The following ATP7B variants were observed in gnomAD, a reference collection of about 807,000 sequenced individuals.
ATP7B encodes copper-transporting ATPase 2.
A neutral mutation model predicts 118.9 loss-of-function variants in ATP7B; 113 were observed. That is an observed-to-expected ratio of 0.95 (90% CI 0.82 to 1.11). The LOEUF (loss-of-function observed/expected upper bound fraction) is 1.11. Among genes scored for constraint, ATP7B ranks in the 50% most tolerant of loss-of-function variants. ATP7B has a pLI of 0.00. For missense variants in ATP7B, 1,867 were observed against 1,871.4 expected (o/e 1.00, Z 0.04); for synonymous variants, 777 against 727.4 (o/e 1.07, Z -1.10).
At chr13:51,998,367 GA>G (rs1295770647) in intron 1 of ATP7B, among the ~76,000 whole-genome samples, 1 of 152,130 alleles carries the variant, frequency 6.6e-6, no homozygotes, top group African/African-American at 2.4e-5. Flanking sequence ...ACATGGTGAT[GA>G]ACAATATCAG....
intron 1 of ATP7B, among the ~76,000 whole-genome samples, chr13:51,990,750 T>A (rs1213143845): frequency 6.6e-6 from 1 of 152,222 alleles, no homozygotes; most frequent in African/African-American, 2.4e-5. Flanking sequence ...TTAGAAGGGA[T>A]ATATCTGTGC....
At chr13:51,987,253 C>G (rs1952700267) in intron 1 of ATP7B, among the ~76,000 whole-genome samples, 1 of 152,194 alleles carries the variant, frequency 6.6e-6, no homozygotes, top group South Asian at 2.1e-4. Flanking sequence ...GCAAAAATCA[C>G]AAGCATTTCT....
intron 4 of ATP7B, among the ~76,000 whole-genome samples, chr13:51,966,442 T>C (rs1183783943): frequency 1.3e-5 from 2 of 152,222 alleles, no homozygotes; most frequent in Non-Finnish European, 2.9e-5. Flanking sequence ...CTACACCGCT[T>C]GTGCCGTACC....
At chr13:52,003,691 G>A (rs1485146726) in intron 1 of ATP7B, among the ~76,000 whole-genome samples, 2 of 152,010 alleles carry the variant, frequency 1.3e-5, no homozygotes, top group Non-Finnish European at 2.9e-5. Context: ...ACTGTCACAA[G>A]TAGGCAGTGA....
intron 1 of ATP7B, among the ~76,000 whole-genome samples, chr13:52,004,948 C>A (rs1198447035): frequency 6.6e-6 from 1 of 152,224 alleles, no homozygotes; most frequent in Non-Finnish European, 1.5e-5. Flanking sequence ...AGGTTTATAG[C>A]CTGCACCTTC....
intron 1 of ATP7B, among the ~76,000 whole-genome samples, chr13:51,990,091 A>G (rs181337916): frequency 6.6e-6 from 1 of 151,942 alleles, no homozygotes; most frequent in East Asian, 1.9e-4. Context: ...ATCTTTTTTA[A>G]AATTAAAATA....
At chr13:51,954,532 C>T (rs567272015) in intron 9 of ATP7B, among the ~76,000 whole-genome samples, 2 of 152,336 alleles carry the variant, frequency 1.3e-5, no homozygotes, top group East Asian at 3.9e-4. Flanking sequence ...AGGGGCAAGG[C>T]CACAGTGGCC....
At chr13:51,992,837 G>T (rs906811344) in intron 1 of ATP7B, among the ~76,000 whole-genome samples, 1 of 151,816 alleles carries the variant, frequency 6.6e-6, no homozygotes, top group Admixed American at 6.6e-5. Context: ...AATTAGCTAG[G>T]TATGGTGTCA....
Position 51,960,166 on chromosome 13 carries a change from G to A in ATP7B, c.2103C>T (p.Ile701=). The part of the protein sequence containing the change: ...GLSILNLIFF[I]LCTFVQLLGG... ...TATATACCTGGACAAAGGTACACAA[G>A]ATAAAGAAGATGAGATTTAGAATGG... Residue 701 remains isoleucine (I), a synonymous_variant, in exon 7 of 21, where the codon ATC becomes ATT. Coordinates refer to ENST00000242839, the MANE Select transcript of ATP7B (RefSeq NM_000053.4). 2 of 1,613,946 alleles carry A rather than the reference G, an allele frequency of 1.2e-6. No homozygotes were observed. Among genetic ancestry groups the A allele is most frequent in the Non-Finnish European group, 1.7e-6 (2 of 1,179,818 alleles).
intron 9 of ATP7B, among the ~76,000 whole-genome samples, chr13:51,951,233 G>A (rs1384669394): frequency 6.6e-6 from 1 of 152,082 alleles, no homozygotes; most frequent in Non-Finnish European, 1.5e-5. Flanking sequence ...AACAAGATGT[G>A]AAAATGCACT....
chr13:52,007,118 C>A (rs191747269), intron 1 of ATP7B, among the ~76,000 whole-genome samples: 1 of 152,272 alleles, frequency 6.6e-6, no homozygotes, highest in Admixed American at 6.5e-5. Context: ...TGTCGAGAAT[C>A]CATTCATTCA....
intron 15 of ATP7B, 56 bp from the exon 16 acceptor site, chr13:51,941,280 A>G: frequency 3.1e-6 from 5 of 1,596,660 alleles, no homozygotes; most frequent in Non-Finnish European, 4.3e-6. Flanking sequence ...TGTGAACTAA[A>G]AACCATGCAA....
chr13:51,992,627 A>G (rs1952968487), intron 1 of ATP7B, among the ~76,000 whole-genome samples: 1 of 152,178 alleles, frequency 6.6e-6, no homozygotes, highest in Admixed American at 6.5e-5. Context: ...CTATTTAAGG[A>G]TAACTAAATT....
intron 1 of ATP7B, among the ~76,000 whole-genome samples, chr13:52,002,175 T>C (rs1385142089): frequency 6.6e-6 from 1 of 152,090 alleles, no homozygotes; most frequent in Non-Finnish European, 1.5e-5. Context: ...AATTTCTCAA[T>C]AAGCATTTGT....
At chr13:51,989,498 G>GA (rs1952811485) in intron 1 of ATP7B, among the ~76,000 whole-genome samples, 1 of 150,758 alleles carries the variant, frequency 6.6e-6, no homozygotes, top group Non-Finnish European at 1.5e-5. Context: ...AACCCTTACT[G>GA]AGAAACAAAA....
chr13:51,985,250 A>G (rs1952600459), intron 1 of ATP7B, among the ~76,000 whole-genome samples: 1 of 152,214 alleles, frequency 6.6e-6, no homozygotes, highest in Non-Finnish European at 1.5e-5. Context: ...AAAGCAAAAA[A>G]AAGTCGGGGT....
intron 1 of ATP7B, among the ~76,000 whole-genome samples, chr13:51,995,113 A>T (rs1219426574): frequency 6.6e-6 from 1 of 152,204 alleles, no homozygotes; most frequent in Non-Finnish European, 1.5e-5. Flanking sequence ...TATTCTGAAA[A>T]TAAAAAGCAA....
At chr13:52,003,550 G>C (rs1395937405) in intron 1 of ATP7B, among the ~76,000 whole-genome samples, 3 of 152,094 alleles carry the variant, frequency 2.0e-5, no homozygotes, top group African/African-American at 7.2e-5. Flanking sequence ...AATGTGGCAT[G>C]AAGTGAGTAT....
chr13:51,972,920 C>T (rs1232780395), intron 2 of ATP7B, among the ~76,000 whole-genome samples: 2 of 152,182 alleles, frequency 1.3e-5, no homozygotes, highest in African/African-American at 4.8e-5. Context: ...GTGCGAGGAT[C>T]ACCTGAGCCC....
Sources: gnomAD v4.1 joint callset for allele counts (sites outside exome capture counted in the v4.1 genomes callset) on GRCh38, gnomAD v4.1.1 for gene constraint, MANE v1.5 for transcripts, NCBI Gene and HGNC (gene_info 2026-07-23, HGNC 2026-07-21) for gene names.